Variants in NBEAL1 observed in about 807,000 individuals in gnomAD.
NBEAL1 encodes neurobeachin-like protein 1.
Under a neutral mutation model 351.3 loss-of-function variants are expected in NBEAL1, and 273 were observed. The ratio of observed to expected loss-of-function variants is 0.78; its 90% CI spans 0.70 to 0.86. The LOEUF is 0.86. Among genes scored for constraint, NBEAL1 ranks in the 40% least tolerant of loss-of-function variants. NBEAL1 has a pLI of 0.00. For missense variants in NBEAL1, 2,961 were observed against 3,201.3 expected (o/e 0.92, Z 1.81); for synonymous variants, 1,050 against 1,086.4 (o/e 0.97, Z 0.66).
chr2:203,138,022 A>G lies in NBEAL1; in HGVS notation c.4566-140A>G, dbSNP rs751847240. Reference sequence around the variant, plus strand: ...AAAAAAAAATTCAATTTCCATTTACAGTATCTTAGGGATACCTGCTAGAGA... The same window carrying G: ...AAAAAAAAATTCAATTTCCATTTACGGTATCTTAGGGATACCTGCTAGAGA... On this transcript the variant is annotated intron_variant, in intron 29 of 55. Transcript: ENST00000683969. The G allele has an allele frequency of 6.1e-4, 457 of 750,138 alleles. 1 individual carries two copies. The highest frequency in any genetic ancestry group is 8.7e-4 in the Non-Finnish European group (412 of 471,966). The allele number at this position is 750,138 out of a possible 1,614,324, so 46.5% of individuals were successfully genotyped here. A position where few individuals can be genotyped will look rare whatever the true frequency, so the allele number is the denominator to read the frequency against.
At chr2:203,191,955 T>C (rs72936332) in intron 46 of NBEAL1, among the ~76,000 whole-genome samples, 13,902 of 152,276 alleles carry the variant, frequency 0.091, 755 homozygotes, top group Non-Finnish European at 0.12. Flanking sequence ...AGCAACTTTC[T>C]CTTAATCATC....
chr2:203,192,536 C>T (rs2065120984), intron 46 of NBEAL1, among the ~76,000 whole-genome samples: 3 of 151,946 alleles, frequency 2.0e-5, no homozygotes, highest in African/African-American at 4.8e-5. Context: ...AGAGGCCCGC[C>T]ACCACACCTG....
rs200068068 is a variant in NBEAL1, at chr2:203,057,387, T to C, written c.449T>C (p.Ile150Thr). ...CAGACATGTATTGAAGAATTTGTGA[T>C]CCACGCATTGGCATTTTGTGAAAGC... ...ADQTCIEEFV[I>T]HALAFCESLY... is the part of the protein sequence containing the mutation. Residue 150 changes from isoleucine to threonine, a missense_variant, in exon 6 of 56, where the codon ATC (isoleucine) becomes ACC (threonine). By Grantham distance (89) the Ile-to-Thr change is moderately conservative. Transcript: ENST00000683969. 3.4e-4 allele frequency: 529 copies of C among 1,552,760 alleles called. 4 individuals carry two copies. The South Asian group carries it at 6.0e-3, about 17-fold the overall frequency.
At chr2:203,178,007 A>C (rs1472101437) in intron 42 of NBEAL1, among the ~76,000 whole-genome samples, 2 of 142,896 alleles carry the variant, frequency 1.4e-5, no homozygotes, top group Non-Finnish European at 3.1e-5. Flanking sequence ...CGACAGAGCA[A>C]TACTCCATCT....
chr2:203,174,890 TAAATAA>T (rs1382795840), intron 41 of NBEAL1, among the ~76,000 whole-genome samples: 20 of 150,348 alleles, frequency 1.3e-4, no homozygotes, highest in Non-Finnish European at 2.4e-4. Flanking sequence ...AATAAATAAA[TAAATAA>T]AAATAAAAAT....
At chr2:203,060,630 T>C (rs1574913186) in intron 6 of NBEAL1, among the ~76,000 whole-genome samples, 2 of 152,274 alleles carry the variant, frequency 1.3e-5, no homozygotes, top group East Asian at 3.9e-4. Flanking sequence ...TTGCTAAGAG[T>C]ATCTACGGAA....
chr2:203,207,272 C>CG (rs1559066422), intron 51 of NBEAL1, among the ~76,000 whole-genome samples: 2 of 151,524 alleles, frequency 1.3e-5, no homozygotes, highest in East Asian at 4.0e-4. Flanking sequence ...GCAGCCACCC[C>CG]GTCCAGGAGG....
At chr2:203,125,933 ATAAT>A (rs1430206075) in intron 20 of NBEAL1, 23 bp from the exon 21 acceptor site, 11 of 1,475,272 alleles carry the variant, frequency 7.5e-6, no homozygotes, top group Admixed American at 5.7e-5. Context: ...AGAAATTATG[ATAAT>A]TAATATGTTC....
Position 203,217,310 on chromosome 2 carries a change from A to G in NBEAL1, c.8128A>G (p.Ile2710Val). Residue 2710 changes from isoleucine (I) to valine (V), a missense_variant, in exon 56 of 56, where the codon ATT becomes GTT. Coordinates refer to ENST00000683969, the MANE Select transcript of NBEAL1 (RefSeq NM_001378026.1). ...FWGSSKRLSQ[I>V]SAGETEYNTQ... is the part of the protein sequence containing the mutation. ...GGGATCGAGCAAGCGGCTCAGCCAG[A>G]TTTCAGCTGGAGAAACTGAATATAA... The G allele has an allele frequency of 6.2e-7, 1 of 1,602,918 alleles. No individual in the cohort carries two copies. The highest frequency in any genetic ancestry group is 8.5e-7 in the Non-Finnish European group (1 of 1,174,394).
chr2:203,045,409 AT>A (rs1012149281), intron 3 of NBEAL1, among the ~76,000 whole-genome samples: 1 of 152,168 alleles, frequency 6.6e-6, no homozygotes, highest in African/African-American at 2.4e-5. Context: ...AGGAAAAAAA[AT>A]ATGTATATAT....
chr2:203,195,767 C>T (rs1039690786), intron 47 of NBEAL1, among the ~76,000 whole-genome samples: 5 of 152,026 alleles, frequency 3.3e-5, no homozygotes, highest in Non-Finnish European at 7.4e-5. Context: ...ATTTTTTTGT[C>T]GTCAGAGAAG....
intron 39 of NBEAL1, among the ~76,000 whole-genome samples, 162 bp from the exon 40 acceptor site, chr2:203,171,766 A>G (rs916251570): frequency 4.6e-5 from 7 of 151,140 alleles, no homozygotes; most frequent in African/African-American, 1.5e-4. Flanking sequence ...TTAGAGACCA[A>G]TATTTTAAAA....
intron 31 of NBEAL1, among the ~76,000 whole-genome samples, chr2:203,139,482 T>C (rs1420386210): frequency 6.6e-6 from 1 of 151,280 alleles, no homozygotes; most frequent in Non-Finnish European, 1.5e-5. Flanking sequence ...TGGCTTCTGA[T>C]TTACATAAAC....
chr2:203,122,005 C>T (rs190664145), intron 18 of NBEAL1, among the ~76,000 whole-genome samples: 3 of 152,108 alleles, frequency 2.0e-5, no homozygotes, highest in East Asian at 1.9e-4. Flanking sequence ...AGGCTGGTTT[C>T]GAACTCCTAA....
chr2:203,133,029 AT>A, intron 26 of NBEAL1, 28 bp from the exon 27 acceptor site: 1 of 1,040,548 alleles, frequency 9.6e-7, no homozygotes. Context: ...CTGGTATTTA[AT>A]TTTAACTTTT....
At position 203,224,565 on chromosome 2, in the gene NBEAL1, A is replaced by G. The variant is rs1451319630; in HGVS notation, c.*7211A>G. On this transcript the variant is annotated 3_prime_UTR_variant, in exon 56 of 56. Coordinates refer to ENST00000683969, the MANE Select transcript of NBEAL1 (RefSeq NM_001378026.1). Reference sequence around the variant, plus strand: ...GAGTGACAGTGACTTGAATGCATGTATATGCACATAGTCAATTCAGAGCGT... The same window carrying G: ...GAGTGACAGTGACTTGAATGCATGTGTATGCACATAGTCAATTCAGAGCGT... Among the ~76,000 whole-genome samples the G allele has an allele frequency of 6.6e-6, 1 of 152,180 alleles. No individual in the cohort carries two copies. The highest frequency in any genetic ancestry group is 1.5e-5 in the Non-Finnish European group (1 of 67,986).
Position 203,221,459 on chromosome 2 carries a change from C to T in NBEAL1, c.*4105C>T, listed in dbSNP as rs1454084697. Among the ~76,000 whole-genome samples the T allele has an allele frequency of 2.0e-5, 3 of 151,842 alleles. No individual in the cohort carries two copies. Among genetic ancestry groups the T allele is most frequent in the Non-Finnish European group, 4.4e-5 (3 of 67,952 alleles). On this transcript the variant is annotated 3_prime_UTR_variant, in exon 56 of 56. Transcript: ENST00000683969. The stretch of plus-strand genomic sequence containing the variant: ...GTCTTTTCAAATATGTATATTTAAA[C>T]CTGTCTTCTGGAAACAGGTTCTTGA...
rs376516840 is a variant in NBEAL1 at position 203,201,628 on chromosome 2, C to T, written c.7324C>T (p.Leu2442Phe). ...TGTAGTATCACATGATGCAAAGTTG[C>T]TCTTCAGTGCTGGATACTGGGATAA... ...LFVVSHDAKL[L>F]FSAGYWDNSI... is the part of the protein sequence containing the mutation. Residue 2442 changes from leucine (L) to phenylalanine (F), a missense_variant, in exon 50 of 56, where the codon CTC becomes TTC. Coordinates refer to ENST00000683969, the MANE Select transcript of NBEAL1 (RefSeq NM_001378026.1). 24 of 1,612,604 alleles carry T rather than the reference C, an allele frequency of 1.5e-5. No homozygotes were observed. The highest frequency in any genetic ancestry group is 2.0e-5 in the Non-Finnish European group (23 of 1,179,250).
chr2:203,114,154 CA>C (rs1324984296), intron 17 of NBEAL1, among the ~76,000 whole-genome samples: 5 of 152,266 alleles, frequency 3.3e-5, no homozygotes, highest in South Asian at 2.1e-4. Flanking sequence ...GGGGTTCTCT[CA>C]GACTACGGCC....
Sources: allele counts gnomAD v4.1 joint callset (sites outside exome capture counted in the v4.1 genomes callset), GRCh38; gene constraint gnomAD v4.1.1; transcripts MANE v1.5; gene names NCBI Gene and HGNC (gene_info 2026-07-23, HGNC 2026-07-21).